OCA2: variants seen among roughly 807,000 people sequenced by gnomAD.
OCA2 encodes OCA2 melanosomal transmembrane protein.
A neutral mutation model predicts 100.2 loss-of-function variants in OCA2; 77 were observed. The observed-to-expected ratio is 0.77, with a 90% CI of 0.64 to 0.93. The LOEUF is 0.93. OCA2 is among the 40% of genes least tolerant of loss of function. The pLI is 0.00. For missense variants in OCA2, 1,062 were observed against 1,089.1 expected (o/e 0.98, Z 0.35); for synonymous variants, 432 against 439.2 (o/e 0.98, Z 0.21).
intron 19 of OCA2, among the ~76,000 whole-genome samples, chr15:27,913,839 G>A (rs58617878): frequency 0.079 from 1,593 of 20,190 alleles, 13 homozygotes; most frequent in Middle Eastern, 0.3. Flanking sequence ...AGAAAGAAAG[G>A]AAAGAAAGAA....
chr15:27,942,072 G>A (rs1445068777), intron 18 of OCA2, among the ~76,000 whole-genome samples: 1 of 152,034 alleles, frequency 6.6e-6, no homozygotes, highest in African/African-American at 2.4e-5. Context: ...ATGTAAAGGT[G>A]CATCTGCTCT....
chr15:28,013,778 C>T (rs1595820045), intron 9 of OCA2, among the ~76,000 whole-genome samples: 1 of 152,090 alleles, frequency 6.6e-6, no homozygotes, highest in Non-Finnish European at 1.5e-5. Flanking sequence ...CCTGAGCCTG[C>T]GAGTTCCTGT....
At chr15:28,060,698 G>A (rs549623942) in intron 2 of OCA2, among the ~76,000 whole-genome samples, 1 of 152,342 alleles carries the variant, frequency 6.6e-6, no homozygotes, top group African/African-American at 2.4e-5. Context: ...AAGTCTCAGT[G>A]AGAAAATTTT....
At chr15:27,950,657 A>T (rs1478743046) in intron 18 of OCA2, 2 of 400,414 alleles carry the variant, frequency 5.0e-6, no homozygotes, top group African/African-American at 2.1e-5. Context: ...AAGCACATAC[A>T]TCATGTGTTG....
intron 18 of OCA2, among the ~76,000 whole-genome samples, chr15:27,945,079 T>C (rs1015561838): frequency 6.6e-6 from 1 of 152,168 alleles, no homozygotes; most frequent in African/African-American, 2.4e-5. Flanking sequence ...AATGCATGAA[T>C]AAGTGAGAGG....
chr15:27,812,402 T>C (rs1286249619), intron 23 of OCA2, among the ~76,000 whole-genome samples: 1 of 152,204 alleles, frequency 6.6e-6, no homozygotes, highest in Non-Finnish European at 1.5e-5. Flanking sequence ...GGGAAGGTGC[T>C]GGCCTCCCTC....
At chr15:28,008,861 C>T (rs2042159067) in intron 9 of OCA2, among the ~76,000 whole-genome samples, 1 of 152,232 alleles carries the variant, frequency 6.6e-6, no homozygotes, top group Admixed American at 6.5e-5. Flanking sequence ...GCAGGGGCAT[C>T]TGCAAGCCAC....
downstream of OCA2, among the ~76,000 whole-genome samples, chr15:27,754,344 C>T (rs912876471): frequency 6.6e-6 from 1 of 152,194 alleles, no homozygotes; most frequent in African/African-American, 2.4e-5. Context: ...CCTTGCAGTT[C>T]TTAGTGCCCT....
intron 19 of OCA2, among the ~76,000 whole-genome samples, chr15:27,893,327 C>A (rs960051807): frequency 4.6e-5 from 7 of 152,100 alleles, no homozygotes; most frequent in Non-Finnish European, 7.3e-5. Context: ...GTTAACTGTA[C>A]AAATTGATTG....
At chr15:28,001,145 T>C (rs1433634667) in intron 9 of OCA2, among the ~76,000 whole-genome samples, 2 of 152,142 alleles carry the variant, frequency 1.3e-5, no homozygotes, top group Non-Finnish European at 2.9e-5. Flanking sequence ...CTCAAGTAGA[T>C]ATCTGTGCGG....
At chr15:28,096,568 C>A (rs1345390081) in intron 1 of OCA2, among the ~76,000 whole-genome samples, 1 of 152,174 alleles carries the variant, frequency 6.6e-6, no homozygotes. Context: ...AGGGGTGTCC[C>A]GCTGAGGGCA....
intron 15 of OCA2, among the ~76,000 whole-genome samples, chr15:27,958,621 AAGAGT>A (rs1265591803): frequency 6.6e-6 from 1 of 152,208 alleles, no homozygotes; most frequent in African/African-American, 2.4e-5. Context: ...TCTGATAGAG[AAGAGT>A]AGAGAGGAAA....
chr15:27,740,477 C>T, the OCA2 span, among the ~76,000 whole-genome samples: 1 of 152,254 alleles, frequency 6.6e-6, no homozygotes, highest in African/African-American at 2.4e-5. Flanking sequence ...ATCTGGTCAT[C>T]TCTCCACTAG....
At chr15:27,933,182 G>A (rs973272297) in intron 18 of OCA2, among the ~76,000 whole-genome samples, 5 of 152,068 alleles carry the variant, frequency 3.3e-5, no homozygotes, top group Non-Finnish European at 5.9e-5. Flanking sequence ...ATTCAAAATC[G>A]ATTAGAGACC....
intron 14 of OCA2, among the ~76,000 whole-genome samples, chr15:27,981,292 C>T (rs2041152858): frequency 6.6e-6 from 1 of 152,142 alleles, no homozygotes; most frequent in African/African-American, 2.4e-5. Flanking sequence ...ACACCTGTGC[C>T]TGTTCTACGT....
intron 7 of OCA2, among the ~76,000 whole-genome samples, chr15:28,017,086 A>G (rs1469609698): frequency 6.6e-6 from 1 of 151,666 alleles, no homozygotes; most frequent in African/African-American, 2.4e-5. Flanking sequence ...GGGACCCTCA[A>G]TGGGAAGATG....
At chr15:27,764,651 T>C (rs747434580) in intron 23 of OCA2, among the ~76,000 whole-genome samples, 121 of 152,248 alleles carry the variant, frequency 7.9e-4, no homozygotes, top group Non-Finnish European at 9.3e-4. Context: ...GTGGAGCAGT[T>C]GTGACAGAGG....
chr15:27,970,749 G>A (rs1211601302), intron 14 of OCA2, among the ~76,000 whole-genome samples: 6 of 151,988 alleles, frequency 3.9e-5, no homozygotes, highest in South Asian at 2.1e-4. Context: ...ACAGAATGTT[G>A]GGAAAACATA....
chr15:28,059,968 G>A (rs779220421), intron 2 of OCA2, among the ~76,000 whole-genome samples: 1 of 152,220 alleles, frequency 6.6e-6, no homozygotes, highest in African/African-American at 2.4e-5. Flanking sequence ...CCCCACCCAA[G>A]GAGCAGCACA....
Sources: allele counts gnomAD v4.1 joint callset (sites outside exome capture counted in the v4.1 genomes callset), GRCh38; gene constraint gnomAD v4.1.1; transcripts MANE v1.5; gene names NCBI Gene and HGNC (gene_info 2026-07-23, HGNC 2026-07-21).